PDE4D: variants seen among roughly 807,000 people sequenced by gnomAD.
The protein encoded by PDE4D is phosphodiesterase 4D, also known as 3',5'-cyclic-AMP phosphodiesterase 4D.
A neutral mutation model predicts 87.4 loss-of-function variants in PDE4D; 24 were observed. The observed-to-expected ratio is 0.27, with a 90% CI of 0.20 to 0.39. The LOEUF (loss-of-function observed/expected upper bound fraction) is 0.39. Ranked by LOEUF, PDE4D falls within the 10% of genes least tolerant of loss-of-function variation. The probability of loss-of-function intolerance (pLI) is 1.00; values close to 1 mark genes in which losing one functional copy is unlikely to be tolerated. For missense variants in PDE4D, 714 were observed against 1,041.0 expected, an observed-to-expected ratio of 0.69 and a Z score of 4.32; for synonymous variants, 384 against 383.2, an observed-to-expected ratio of 1.00 and a Z score of -0.02.
intron 1 of PDE4D, among the ~76,000 whole-genome samples, chr5:59,760,894 A>G (rs1341628718): frequency 6.6e-6 from 1 of 152,182 alleles, no homozygotes; most frequent in African/African-American, 2.4e-5. Flanking sequence ...TGATACTGAC[A>G]GCTATAGTAA....
At chr5:59,961,965 T>C (rs1038055272) in intron 3 of PDE4D, among the ~76,000 whole-genome samples, 1 of 152,136 alleles carries the variant, frequency 6.6e-6, no homozygotes, top group African/African-American at 2.4e-5. Context: ...AGAAGTGAGT[T>C]AGAAAGATGT....
At chr5:59,127,771 C>T (rs142227545) in intron 5 of PDE4D, among the ~76,000 whole-genome samples, 34 of 152,090 alleles carry the variant, frequency 2.2e-4, no homozygotes, top group Non-Finnish European at 2.5e-4. Flanking sequence ...ACATCAGAAA[C>T]CAGTCCTCAG....
chr5:59,717,543 C>G (rs1230631814), intron 1 of PDE4D, among the ~76,000 whole-genome samples: 3 of 151,982 alleles, frequency 2.0e-5, no homozygotes, highest in Non-Finnish European at 4.4e-5. Flanking sequence ...TAAATGTAAC[C>G]CTGTGGAAAA....
chr5:60,324,206 C>T (rs1756567757), intron 1 of PDE4D, among the ~76,000 whole-genome samples: 1 of 152,118 alleles, frequency 6.6e-6, no homozygotes. Flanking sequence ...TGACTATTTA[C>T]TATTTTGTTC....
At chr5:59,659,670 T>C (rs1264573621) in intron 1 of PDE4D, among the ~76,000 whole-genome samples, 1 of 152,238 alleles carries the variant, frequency 6.6e-6, no homozygotes, top group Non-Finnish European at 1.5e-5. Flanking sequence ...GTAACATCTA[T>C]ATCAAACTGC....
At chr5:60,417,462 A>G (rs1324649401) in intron 1 of PDE4D, among the ~76,000 whole-genome samples, 1 of 152,220 alleles carries the variant, frequency 6.6e-6, no homozygotes, top group Non-Finnish European at 1.5e-5. Context: ...ACCAGTTAAT[A>G]CATTCTCCAA....
intron 5 of PDE4D, among the ~76,000 whole-genome samples, chr5:59,105,297 A>G (rs1771411336): frequency 6.6e-6 from 1 of 152,204 alleles, no homozygotes; most frequent in Admixed American, 6.5e-5. Flanking sequence ...GTAATTCAGT[A>G]TTATCATTGC....
chr5:58,975,491 TAAG>T lies in PDE4D; in HGVS notation c.2013+163_2013+165del, dbSNP rs751937958. ...TATATGACTATATGAATGTAAGTCA[TAAG>T]AATGAAAGTTCTTTGGATCATAAAT... is the stretch of plus-strand genomic sequence containing the variant. On this transcript the variant is annotated intron_variant, in intron 14 of 14. Coordinates refer to ENST00000340635, the MANE Select transcript of PDE4D (RefSeq NM_001104631.2). The surrounding 1 kb of genome is among the most constrained non-coding windows in gnomAD (Gnocchi z 4.2). Among the ~76,000 whole-genome samples the T allele has an allele frequency of 3.9e-5, 6 of 152,242 alleles. No homozygotes were observed. Among genetic ancestry groups the T allele is most frequent in the Non-Finnish European group, 8.8e-5 (6 of 68,036 alleles).
chr5:59,220,590 T>A (rs980977726), intron 1 of PDE4D, among the ~76,000 whole-genome samples: 2 of 152,122 alleles, frequency 1.3e-5, no homozygotes, highest in African/African-American at 4.8e-5. Context: ...GTAAGTTAAC[T>A]GAGAATTAGA....
chr5:60,080,128 C>G (rs1198134760), intron 2 of PDE4D, among the ~76,000 whole-genome samples: 1 of 152,114 alleles, frequency 6.6e-6, no homozygotes, highest in Admixed American at 6.6e-5. Flanking sequence ...ATTTTACTCT[C>G]TTTGTAGTGA....
At chr5:59,252,653 G>A (rs937383168) in intron 1 of PDE4D, among the ~76,000 whole-genome samples, 3 of 151,892 alleles carry the variant, frequency 2.0e-5, no homozygotes, top group East Asian at 1.9e-4. Flanking sequence ...TCTCGAGTAG[G>A]TGGGACTACA....
intron 1 of PDE4D, among the ~76,000 whole-genome samples, chr5:59,240,819 A>T (rs1393885985): frequency 6.6e-6 from 1 of 151,912 alleles, no homozygotes; most frequent in Non-Finnish European, 1.5e-5. Flanking sequence ...TCCCTTTTGG[A>T]TGTAATTCCA....
At chr5:59,427,817 CAA>C (rs11356537) in intron 1 of PDE4D, among the ~76,000 whole-genome samples, 169 of 66,622 alleles carry the variant, frequency 2.5e-3, no homozygotes, top group Middle Eastern at 0.011. Flanking sequence ...GACCCTGTCT[CAA>C]AAAAAAAAAA....
At chr5:59,528,853 G>A (rs1813636195) in intron 1 of PDE4D, 1 of 286,644 alleles carries the variant, frequency 3.5e-6, no homozygotes, top group Admixed American at 4.3e-5. Context: ...TGTGTGCTGG[G>A]TCACCAAAAT....
chr5:60,490,288 G>A (rs959633394), upstream of PDE4D: 48 of 152,090 alleles, frequency 3.2e-4, 2 homozygotes, highest in Non-Finnish European at 1.5e-5. Context: ...ACTGGGACTC[G>A]ACATTTTTCT....
intron 1 of PDE4D, among the ~76,000 whole-genome samples, chr5:59,339,521 C>A (rs1778333933): frequency 6.6e-6 from 1 of 152,204 alleles, no homozygotes; most frequent in Non-Finnish European, 1.5e-5. Context: ...TTTAGCAATT[C>A]TCAGTGCCTT....
chr5:59,009,107 T>C (rs542907695), intron 6 of PDE4D, among the ~76,000 whole-genome samples: 2 of 152,124 alleles, frequency 1.3e-5, no homozygotes, highest in Non-Finnish European at 2.9e-5. Flanking sequence ...CAAATTAAAT[T>C]CTCATACATT....
intron 1 of PDE4D, among the ~76,000 whole-genome samples, chr5:59,265,256 G>C (rs1351282658): frequency 6.6e-6 from 1 of 151,872 alleles, no homozygotes; most frequent in Non-Finnish European, 1.5e-5. Context: ...TTCCTTAGAG[G>C]GTTCTCATTG....
rs10038321 is a variant in PDE4D, at chr5:59,424,832, A to G, written c.456-208864T>C. On this transcript the variant is annotated intron_variant, in intron 1 of 14. Transcript: ENST00000340635. Reference sequence around the variant, plus strand: ...AAAACACACAAGTAGTCACACATTCACAATCGATGGGTCCATGCATTTAGG... The same window carrying G: ...AAAACACACAAGTAGTCACACATTCGCAATCGATGGGTCCATGCATTTAGG... 8.7e-3 allele frequency among the ~76,000 whole-genome samples: 1,330 copies of G among 152,300 alleles called. 14 individuals are homozygous for G. The highest frequency in any genetic ancestry group is 0.031 in the African/African-American group (1,273 of 41,568).
Sources: allele counts gnomAD v4.1 joint callset (sites outside exome capture counted in the v4.1 genomes callset), GRCh38; gene constraint gnomAD v4.1.1; non-coding constraint Gnocchi (gnomAD v3.1); transcripts MANE v1.5; gene names NCBI Gene and HGNC (gene_info 2026-07-23, HGNC 2026-07-21).